Variants in MIS18A observed in about 807,000 individuals in gnomAD.
MIS18A encodes the protein protein Mis18-alpha.
MIS18A carries 14 observed loss-of-function variants against 25.0 expected under a neutral mutation model. The ratio of observed to expected loss-of-function variants is 0.56; its 90% confidence interval spans 0.37 to 0.88. The LOEUF (loss-of-function observed/expected upper bound fraction) is 0.88, where lower values mean the gene tolerates loss of function less well. MIS18A is among the 40% of genes least tolerant of loss of function. The pLI is 0.00. For missense variants in MIS18A, 292 were observed against 290.8 expected (o/e 1.00, Z -0.03); for synonymous variants, 134 against 118.6 (o/e 1.13, Z -0.84).
chr21:32,207,048 C>G, the MIS18A span, among the ~76,000 whole-genome samples: 1 of 152,214 alleles, frequency 6.6e-6, no homozygotes, highest in Non-Finnish European at 1.5e-5. Flanking sequence ...TAATAAGGGG[C>G]ATCTGATTGA....
At chr21:32,260,500 GAC>G in the MIS18A span, 1 of 152,746 alleles carries the variant, frequency 6.5e-6, no homozygotes, top group African/African-American at 2.4e-5. Context: ...GGGAATTAGA[GAC>G]ACAGGAATGA....
downstream of MIS18A, among the ~76,000 whole-genome samples, chr21:32,266,025 G>A (rs2031592582): frequency 6.6e-6 from 1 of 150,842 alleles, no homozygotes; most frequent in South Asian, 2.1e-4. Flanking sequence ...TCAACACTCT[G>A]TATCTAGCTG....
At chr21:32,217,604 A>G in the MIS18A span, among the ~76,000 whole-genome samples, 1 of 152,248 alleles carries the variant, frequency 6.6e-6, no homozygotes, top group Non-Finnish European at 1.5e-5. Context: ...ATTTACCCAC[A>G]CATCCAACTA....
the MIS18A span, among the ~76,000 whole-genome samples, chr21:32,192,768 C>T: frequency 6.6e-6 from 1 of 152,220 alleles, no homozygotes; most frequent in Admixed American, 6.5e-5. Flanking sequence ...AACAACCAAG[C>T]GTGGCTGAAT....
At chr21:32,192,048 C>A in the MIS18A span, among the ~76,000 whole-genome samples, 1 of 152,146 alleles carries the variant, frequency 6.6e-6, no homozygotes, top group Non-Finnish European at 1.5e-5. Flanking sequence ...GAATAAAACC[C>A]ATTGGAAGGA....
At chr21:32,176,706 G>C in the MIS18A span, among the ~76,000 whole-genome samples, 1 of 151,024 alleles carries the variant, frequency 6.6e-6, no homozygotes, top group Non-Finnish European at 1.5e-5. Context: ...GTGGAAGGAA[G>C]GTAATAATAA....
chr21:32,239,586 A>C, the MIS18A span, among the ~76,000 whole-genome samples: 1 of 152,216 alleles, frequency 6.6e-6, no homozygotes, highest in Non-Finnish European at 1.5e-5. Context: ...GTTCCCCACG[A>C]AGGTGCCATC....
chr21:32,239,794 CTATT>C, the MIS18A span, among the ~76,000 whole-genome samples: 1 of 152,200 alleles, frequency 6.6e-6, no homozygotes, highest in Non-Finnish European at 1.5e-5. Context: ...AGCTCAAACT[CTATT>C]TAGCCCTCTG....
At chr21:32,252,242 G>GAAGAAGA in the MIS18A span, among the ~76,000 whole-genome samples, 1 of 37,542 alleles carries the variant, frequency 2.7e-5, no homozygotes, top group Non-Finnish European at 7.3e-5. Flanking sequence ...GAAGAAGAAG[G>GAAGAAGA]AGGAGGAGGA....
chr21:32,264,099 C>T (rs964206074), downstream of MIS18A, among the ~76,000 whole-genome samples: 1 of 152,090 alleles, frequency 6.6e-6, no homozygotes, highest in Non-Finnish European at 1.5e-5. Context: ...ATATGGTTCT[C>T]ATCCTAGGTG....
At chr21:32,223,737 CA>C in the MIS18A span, among the ~76,000 whole-genome samples, 1 of 152,146 alleles carries the variant, frequency 6.6e-6, no homozygotes, top group Non-Finnish European at 1.5e-5. Flanking sequence ...GAAACTATTC[CA>C]AACAATAGAA....
At chr21:32,183,653 A>G in the MIS18A span, among the ~76,000 whole-genome samples, 1 of 152,300 alleles carries the variant, frequency 6.6e-6, no homozygotes, top group Admixed American at 6.5e-5. Context: ...AAGGAGTCTC[A>G]GAAGGAAACT....
the MIS18A span, among the ~76,000 whole-genome samples, chr21:32,206,667 G>C: frequency 6.6e-6 from 1 of 152,188 alleles, no homozygotes; most frequent in African/African-American, 2.4e-5. Context: ...GAGATGGGCA[G>C]AAGGATGAGA....
Position 32,269,006 on chromosome 21 carries a change from C to CG in MIS18A, c.*30dup, listed in dbSNP as rs760717004. ...ATTTAACAAATAAGGGGAGGAAGGG[C>CG]GGGGGCAGAATGGAGGACACAGACT... On this transcript the variant is annotated 3_prime_UTR_variant, in exon 5 of 5. Transcript: ENST00000290130. 3 of 1,458,508 alleles carry CG rather than the reference C, an allele frequency of 2.1e-6. No homozygotes were observed. Among genetic ancestry groups the CG allele is most frequent in the Non-Finnish European group, 2.8e-6 (3 of 1,064,558 alleles). The allele number at this position is 1,458,508 out of a possible 1,614,324, so 90.3% of individuals were successfully genotyped here. A position where few individuals can be genotyped will look rare whatever the true frequency, so the allele number is the denominator to read the frequency against.
At chr21:32,202,583 C>T in the MIS18A span, among the ~76,000 whole-genome samples, 3 of 152,196 alleles carry the variant, frequency 2.0e-5, no homozygotes, top group African/African-American at 7.2e-5. Context: ...ATCTCCAGAA[C>T]GCTTTTCATC....
chr21:32,190,561 T>C, the MIS18A span, among the ~76,000 whole-genome samples: 8 of 152,124 alleles, frequency 5.3e-5, no homozygotes, highest in Non-Finnish European at 1.5e-5. Context: ...TTAAAAACAC[T>C]AAACAAGACA....
chr21:32,256,001 G>A, the MIS18A span, among the ~76,000 whole-genome samples: 2 of 152,108 alleles, frequency 1.3e-5, no homozygotes, highest in African/African-American at 4.8e-5. Flanking sequence ...GCTATGGATG[G>A]TAAACTCAGT....
chr21:32,165,432 TA>T, the MIS18A span, among the ~76,000 whole-genome samples: 17,717 of 141,306 alleles, frequency 0.13, 1,947 homozygotes, highest in African/African-American at 0.31. Context: ...TAACATGATC[TA>T]AAAAAAAAAA....
At chr21:32,235,056 G>T in the MIS18A span, among the ~76,000 whole-genome samples, 2 of 152,142 alleles carry the variant, frequency 1.3e-5, no homozygotes, top group Non-Finnish European at 2.9e-5. Flanking sequence ...GCCCATGGCA[G>T]ATATAGCTAA....
Sources: allele counts gnomAD v4.1 joint callset (sites outside exome capture counted in the v4.1 genomes callset), GRCh38; gene constraint gnomAD v4.1.1; transcripts MANE v1.5; gene names NCBI Gene and HGNC (gene_info 2026-07-23, HGNC 2026-07-21).